The following MAP7 variants were observed in gnomAD, a reference collection of about 807,000 sequenced individuals.
MAP7 encodes microtubule associated protein 7, also known as ensconsin.
A neutral mutation model predicts 94.8 loss-of-function variants in MAP7; 52 were observed. The ratio of observed to expected loss-of-function variants is 0.55; its 90% CI spans 0.44 to 0.69. MAP7 has a LOEUF of 0.69. Ranked by LOEUF, MAP7 falls within the 30% of genes least tolerant of loss-of-function variation. The pLI is 0.00. For synonymous variants in MAP7, 350 were observed against 357.0 expected (o/e 0.98, Z 0.22); for missense variants, 940 against 964.6 (o/e 0.97, Z 0.34).
chr6:136,510,327 A>G (rs1048669878), intron 1 of MAP7, among the ~76,000 whole-genome samples: 18 of 152,194 alleles, frequency 1.2e-4, no homozygotes, highest in African/African-American at 4.3e-4. Context: ...GGAGTCTCAC[A>G]GTAACACTCC....
In MAP7 at chr6:136,345,839, G is replaced by T; in HGVS notation, c.2239+17C>A. 6.3e-7 allele frequency: 1 copy of T among 1,599,740 alleles called. No individual in the cohort carries two copies. The highest frequency in any genetic ancestry group is 8.6e-7 in the Non-Finnish European group (1 of 1,166,818). On this transcript the variant is annotated intron_variant, in intron 17 of 17. Coordinates refer to ENST00000354570, the MANE Select transcript of MAP7 (RefSeq NM_003980.6). ...ATATTTCTGATGACTACAGAAGGGAGTTGGAGGCAAGCTTACCTGCAGTCT... is the reference window on the plus strand; with the variant it reads ...ATATTTCTGATGACTACAGAAGGGATTTGGAGGCAAGCTTACCTGCAGTCT...
chr6:136,524,310 G>C (rs1827243145), intron 1 of MAP7, among the ~76,000 whole-genome samples: 1 of 152,112 alleles, frequency 6.6e-6, no homozygotes, highest in Non-Finnish European at 1.5e-5. Context: ...TACTGTCCAA[G>C]ACATCCAAGG....
chr6:136,363,775 C>CA (rs1401931885), intron 10 of MAP7, among the ~76,000 whole-genome samples: 1 of 152,130 alleles, frequency 6.6e-6, no homozygotes, highest in African/African-American at 2.4e-5. Context: ...CAGGCTATAC[C>CA]AGGGGTCCTT....
intron 1 of MAP7, among the ~76,000 whole-genome samples, chr6:136,424,327 TAAA>T (rs5880295): frequency 5.0e-4 from 72 of 143,530 alleles, no homozygotes; most frequent in African/African-American, 8.4e-4. Flanking sequence ...TTCTTTCATT[TAAA>T]AAAAAAAAAA....
At chr6:136,507,475 CA>C (rs10711278) in intron 1 of MAP7, among the ~76,000 whole-genome samples, 15,234 of 87,144 alleles carry the variant, frequency 0.17, 1,465 homozygotes, top group African/African-American at 0.38. Flanking sequence ...AGAAGATTCT[CA>C]AAAAAAAAAA....
intron 8 of MAP7, among the ~76,000 whole-genome samples, chr6:136,370,201 G>A (rs946341568): frequency 2.0e-5 from 3 of 152,254 alleles, no homozygotes; most frequent in East Asian, 3.9e-4. Flanking sequence ...TTAAAGAAAT[G>A]CAAACCAAAA....
At chr6:136,512,050 A>G (rs1480116035) in intron 1 of MAP7, among the ~76,000 whole-genome samples, 1 of 152,230 alleles carries the variant, frequency 6.6e-6, no homozygotes, top group East Asian at 1.9e-4. Flanking sequence ...AAAGGTCGTT[A>G]ATACAAAATT....
At chr6:136,368,757 C>T (rs1582696855) in intron 8 of MAP7, among the ~76,000 whole-genome samples, 1 of 135,786 alleles carries the variant, frequency 7.4e-6, no homozygotes, top group Admixed American at 7.8e-5. Context: ...TTAAAGGCAA[C>T]ACAAATAAAT....
chr6:136,362,735 G>A, intron 10 of MAP7, 33 bp from the exon 11 acceptor site: 1 of 1,516,788 alleles, frequency 6.6e-7, no homozygotes, highest in Non-Finnish European at 8.8e-7. Context: ...AAAACCAGTT[G>A]GAAACAAAAT....
At chr6:136,428,257 T>C (rs1184999153) in intron 1 of MAP7, among the ~76,000 whole-genome samples, 1 of 152,200 alleles carries the variant, frequency 6.6e-6, no homozygotes, top group African/African-American at 2.4e-5. Context: ...GGCTCACACC[T>C]GCAATCCCAG....
intron 15 of MAP7, among the ~76,000 whole-genome samples, chr6:136,357,513 G>T (rs1239119152): frequency 6.6e-6 from 1 of 151,494 alleles, no homozygotes; most frequent in African/African-American, 2.4e-5. Flanking sequence ...GCTTTTTTTT[G>T]AGACAGGGTC....
rs78654813 is a variant in MAP7, at chr6:136,411,231, C to G, written c.244+389G>C. 9.0e-3 allele frequency among the ~76,000 whole-genome samples: 1,369 copies of G among 152,312 alleles called. 60 individuals carry two copies. In the East Asian group the frequency reaches 0.14, roughly 15 times the overall value. On this transcript the variant is annotated intron_variant, in intron 3 of 17. Transcript: ENST00000354570. ...CTGGCAGCAGCCTGGTAGCACCTGT[C>G]TATAAGTTCAATGGCAGCATTATTT...
intron 1 of MAP7, among the ~76,000 whole-genome samples, chr6:136,446,320 C>A (rs979357918): frequency 2.0e-5 from 3 of 151,748 alleles, no homozygotes; most frequent in African/African-American, 7.3e-5. Flanking sequence ...CACAGCAGAT[C>A]ATCAGAGGTG....
chr6:136,542,010 G>T (rs958194577), intron 1 of MAP7, among the ~76,000 whole-genome samples: 5 of 152,088 alleles, frequency 3.3e-5, no homozygotes, highest in African/African-American at 1.2e-4. Flanking sequence ...CGTGAGCCAA[G>T]TTCGTGCCAC....
At chr6:136,471,247 T>C (rs1808870396) in intron 1 of MAP7, among the ~76,000 whole-genome samples, 1 of 152,208 alleles carries the variant, frequency 6.6e-6, no homozygotes, top group Admixed American at 6.5e-5. Context: ...CTGGTTTTGA[T>C]CATGGTGGGT....
At chr6:136,435,374 T>G (rs1244040192) in intron 1 of MAP7, among the ~76,000 whole-genome samples, 1 of 152,208 alleles carries the variant, frequency 6.6e-6, no homozygotes, top group African/African-American at 2.4e-5. Context: ...TAACCAGTCC[T>G]GTTTCCAGAA....
At chr6:136,507,146 C>T (rs970226995) in intron 1 of MAP7, among the ~76,000 whole-genome samples, 39 of 151,920 alleles carry the variant, frequency 2.6e-4, no homozygotes, top group Admixed American at 2.0e-3. Flanking sequence ...TTAACAGGGG[C>T]TATAAGAAAA....
intron 16 of MAP7, among the ~76,000 whole-genome samples, chr6:136,354,381 A>T (rs1790210893): frequency 7.0e-6 from 1 of 143,794 alleles, no homozygotes; most frequent in African/African-American, 2.5e-5. Flanking sequence ...ATATAAAAAT[A>T]TATATAGTAG....
At chr6:136,411,755 AAG>A in intron 2 of MAP7, 58 bp from the exon 3 acceptor site, 1 of 1,336,170 alleles carries the variant, frequency 7.5e-7, no homozygotes, top group African/African-American at 1.5e-5. Flanking sequence ...AAAAAAGAAA[AAG>A]AAAAAACACA....
Sources: allele counts gnomAD v4.1 joint callset (sites outside exome capture counted in the v4.1 genomes callset), GRCh38; gene constraint gnomAD v4.1.1; transcripts MANE v1.5; gene names NCBI Gene and HGNC (gene_info 2026-07-23, HGNC 2026-07-21).